KATNA1: variants seen among roughly 807,000 people sequenced by gnomAD.
KATNA1 encodes the protein katanin p60 ATPase-containing subunit A1.
KATNA1 carries 42 observed loss-of-function variants against 62.6 expected under a neutral mutation model. The observed-to-expected ratio is 0.67, with a 90% confidence interval of 0.52 to 0.87. The LOEUF (loss-of-function observed/expected upper bound fraction) is 0.87, where lower values mean the gene tolerates loss of function less well. KATNA1 is among the 40% of genes least tolerant of loss of function. The pLI is 0.00. For synonymous variants in KATNA1, 186 were observed against 201.9 expected (o/e 0.92, Z 0.67); for missense variants, 498 against 612.5 (o/e 0.81, Z 1.97).
intron 7 of KATNA1, among the ~76,000 whole-genome samples, chr6:149,600,820 T>C (rs1397772931): frequency 6.8e-6 from 1 of 146,746 alleles, no homozygotes; most frequent in Non-Finnish European, 1.5e-5. Flanking sequence ...CTCATGTCCA[T>C]CATCCCAGCT....
intron 3 of KATNA1, among the ~76,000 whole-genome samples, chr6:149,625,385 T>C (rs898249904): frequency 3.3e-5 from 5 of 152,056 alleles, no homozygotes; most frequent in East Asian, 1.9e-4. Flanking sequence ...TCCCAGCAAT[T>C]TGGGAGGCTG....
chr6:149,609,289 T>C lies in KATNA1; in HGVS notation c.502-4507A>G, dbSNP rs143184913. 3.8e-3 allele frequency among the ~76,000 whole-genome samples: 571 copies of C among 152,208 alleles called. 3 individuals carry two copies. The highest frequency in any genetic ancestry group is 0.013 in the African/African-American group (552 of 41,542). Reference sequence around the variant, plus strand: ...CAATGAAAGAATATCAACACCTTGCTTATAGGGAAAAACAATTCAGATGAA... The same window carrying C: ...CAATGAAAGAATATCAACACCTTGCCTATAGGGAAAAACAATTCAGATGAA... On this transcript the variant is annotated intron_variant, in intron 4 of 10. Transcript: ENST00000367411.
intron 3 of KATNA1, among the ~76,000 whole-genome samples, chr6:149,629,533 C>A (rs920294364): frequency 7.2e-5 from 11 of 152,114 alleles, no homozygotes; most frequent in African/African-American, 2.7e-4. Context: ...CAGACTAATA[C>A]AAGACCCAAG....
intron 4 of KATNA1, among the ~76,000 whole-genome samples, chr6:149,613,618 C>G (rs949449119): frequency 9.9e-5 from 15 of 152,142 alleles, no homozygotes; most frequent in African/African-American, 3.6e-4. Flanking sequence ...TCCACCTAAA[C>G]AAAAACTGCA....
chr6:149,624,098 G>GA (rs1032330786), intron 3 of KATNA1, among the ~76,000 whole-genome samples: 64 of 152,194 alleles, frequency 4.2e-4, no homozygotes, highest in African/African-American at 1.5e-3. Context: ...TCAGATTTTG[G>GA]AATATTTCCA....
chr6:149,606,186 CTG>C (rs925610456), intron 4 of KATNA1, among the ~76,000 whole-genome samples: 40 of 152,304 alleles, frequency 2.6e-4, no homozygotes, highest in African/African-American at 9.4e-4. Context: ...GTTTGAGAAA[CTG>C]TGTAACAGGG....
chr6:149,641,271 G>C (rs1313714585), intron 1 of KATNA1, among the ~76,000 whole-genome samples: 1 of 151,554 alleles, frequency 6.6e-6, no homozygotes, highest in Non-Finnish European at 1.5e-5. Context: ...CCGCCTCCCG[G>C]GTTCATGCCA....
At chr6:149,619,767 G>T (rs1779321274) in intron 4 of KATNA1, among the ~76,000 whole-genome samples, 1 of 152,144 alleles carries the variant, frequency 6.6e-6, no homozygotes, top group East Asian at 1.9e-4. Flanking sequence ...TAGGAGTGCA[G>T]ATATGTCTGA....
At position 149,625,921 on chromosome 6, in the gene KATNA1, G is replaced by GA. The variant is rs1484515563; in HGVS notation, c.321-2639dup. On this transcript the variant is annotated intron_variant, in intron 3 of 10. Transcript: ENST00000367411. Reference sequence around the variant, plus strand: ...TGCACTCCAGCCTGGGTGACAGAGCGAGACTCCATCTCAAAAAAAAAAAAA... The same window carrying GA: ...TGCACTCCAGCCTGGGTGACAGAGCGAAGACTCCATCTCAAAAAAAAAAAAA... 2.2e-5 allele frequency among the ~76,000 whole-genome samples: 3 copies of GA among 133,816 alleles called. No homozygotes were observed. In the East Asian group the frequency reaches 8.2e-4, roughly 36 times the overall value. 87.8% of individuals were successfully genotyped at this position (133,816 alleles called of 152,430 possible).
intron 6 of KATNA1, among the ~76,000 whole-genome samples, chr6:149,602,297 G>A (rs1268781990): frequency 6.6e-6 from 1 of 152,198 alleles, no homozygotes; most frequent in Non-Finnish European, 1.5e-5. Context: ...AACCCGTTAG[G>A]CGGAGATTGC....
chr6:149,614,135 T>C (rs1181927674), intron 4 of KATNA1, among the ~76,000 whole-genome samples: 2 of 152,200 alleles, frequency 1.3e-5, no homozygotes, highest in Non-Finnish European at 2.9e-5. Context: ...ACTCAGCCCG[T>C]AGGCCCTTAG....
chr6:149,644,678 T>C (rs1173443341), intron 1 of KATNA1, among the ~76,000 whole-genome samples: 1 of 152,134 alleles, frequency 6.6e-6, no homozygotes, highest in African/African-American at 2.4e-5. Flanking sequence ...TACTTATATA[T>C]AGGTGGTCCT....
At chr6:149,647,448 G>C (rs1055661819) in intron 1 of KATNA1, among the ~76,000 whole-genome samples, 1 of 148,800 alleles carries the variant, frequency 6.7e-6, no homozygotes, top group Non-Finnish European at 1.5e-5. Context: ...GCTTGAACCC[G>C]GGAGGCGGAG....
intron 3 of KATNA1, among the ~76,000 whole-genome samples, chr6:149,630,768 C>G (rs150446111): frequency 9.9e-5 from 15 of 152,254 alleles, no homozygotes; most frequent in African/African-American, 3.6e-4. Context: ...CCGGCAGATT[C>G]CTGAGTTCTA....
intron 4 of KATNA1, among the ~76,000 whole-genome samples, chr6:149,613,206 A>AAAAAAT (rs1562286926): frequency 5.6e-5 from 8 of 142,848 alleles, no homozygotes; most frequent in African/African-American, 2.1e-4. Context: ...AAAAAAAAAA[A>AAAAAAT]AAAAAAAAAA....
intron 3 of KATNA1, among the ~76,000 whole-genome samples, chr6:149,631,732 A>C (rs749641834): frequency 5.3e-5 from 8 of 152,188 alleles, no homozygotes; most frequent in Non-Finnish European, 1.2e-4. Flanking sequence ...TAAATCTATA[A>C]TACAAACTAG....
rs758348801 is a variant in KATNA1 at position 149,603,348 on chromosome 6, C to G, written c.649G>C (p.Ala217Pro). 1 of 1,589,640 alleles carries G rather than the reference C, an allele frequency of 6.3e-7. No individual in the cohort carries two copies. The highest frequency in any genetic ancestry group is 1.7e-5 in the Admixed American group (1 of 58,738). Residue 217 changes from alanine to proline, a missense_variant, in exon 6 of 11, where the codon GCT (alanine) becomes CCT (proline). Physicochemically the swap from Ala to Pro is conservative, Grantham distance 27. Transcript: ENST00000367411. ...ACGGCTTCCTTAAGCAACTTTTTAG[C>G]TTCTACTAAATCAGCGATATCATCC... ...RWDDIADLVEAKKLLKEAVVL... is the reference protein window; with the variant it reads ...RWDDIADLVEPKKLLKEAVVL...
intron 4 of KATNA1, among the ~76,000 whole-genome samples, chr6:149,621,134 T>C (rs1299044671): frequency 6.6e-6 from 1 of 151,020 alleles, no homozygotes; most frequent in Non-Finnish European, 1.5e-5. Flanking sequence ...TTTTTTTTTT[T>C]TTTTTTTGAG....
intron 2 of KATNA1, among the ~76,000 whole-genome samples, chr6:149,634,084 C>T (rs999060824): frequency 1.3e-5 from 2 of 151,690 alleles, no homozygotes; most frequent in African/African-American, 4.8e-5. Context: ...ACCAGCCTGG[C>T]CAACATGTTG....
Sources: gnomAD v4.1 joint callset for allele counts (sites outside exome capture counted in the v4.1 genomes callset) on GRCh38, gnomAD v4.1.1 for gene constraint, MANE v1.5 for transcripts, NCBI Gene and HGNC (gene_info 2026-07-23, HGNC 2026-07-21) for gene names.